Variants in LRRC4C observed in about 807,000 individuals in gnomAD.
The protein encoded by LRRC4C is leucine-rich repeat-containing protein 4C.
Under a neutral mutation model 33.6 loss-of-function variants are expected in LRRC4C, and 5 were observed. The ratio of observed to expected loss-of-function variants is 0.15; its 90% CI spans 0.08 to 0.31. The LOEUF is 0.31. Among genes scored for constraint, LRRC4C ranks in the 10% least tolerant of loss-of-function variants. LRRC4C has a pLI of 1.00. For synonymous variants in LRRC4C, 329 were observed against 302.0 expected (o/e 1.09, Z -0.93); for missense variants, 560 against 796.7 (o/e 0.70, Z 3.58).
intron 1 of LRRC4C, among the ~76,000 whole-genome samples, chr11:41,202,687 T>A (rs1350463790): frequency 1.3e-5 from 2 of 152,108 alleles, no homozygotes; most frequent in Non-Finnish European, 2.9e-5. Flanking sequence ...TCTTCAAATA[T>A]TAAGGATTTT....
At chr11:40,394,038 A>G (rs7951893) in intron 3 of LRRC4C, among the ~76,000 whole-genome samples, 57,184 of 151,820 alleles carry the variant, frequency 0.38, 11,129 homozygotes, top group South Asian at 0.47. Flanking sequence ...GGGGATAAAA[A>G]TAGGCCAAAA....
At chr11:41,146,053 A>G (rs997997509) in intron 1 of LRRC4C, among the ~76,000 whole-genome samples, 1 of 152,212 alleles carries the variant, frequency 6.6e-6, no homozygotes, top group Non-Finnish European at 1.5e-5. Flanking sequence ...TTATAACTTT[A>G]TACTACAATT....
intron 1 of LRRC4C, among the ~76,000 whole-genome samples, chr11:40,991,424 C>A (rs1392953877): frequency 6.6e-6 from 1 of 152,092 alleles, no homozygotes; most frequent in African/African-American, 2.4e-5. Context: ...TGCTCCCCAC[C>A]CTTTGTGGCA....
intron 3 of LRRC4C, among the ~76,000 whole-genome samples, chr11:40,540,671 A>G (rs753761991): frequency 3.3e-5 from 5 of 152,162 alleles, no homozygotes; most frequent in Non-Finnish European, 7.3e-5. Context: ...AATATCAAGT[A>G]TATGTAGAAT....
chr11:41,199,815 G>T, intron 1 of LRRC4C, among the ~76,000 whole-genome samples: 1 of 152,022 alleles, frequency 6.6e-6, no homozygotes, highest in East Asian at 1.9e-4. Flanking sequence ...CATAGATATT[G>T]TGGCTGACTC....
At chr11:40,481,903 C>T (rs1005933678) in intron 3 of LRRC4C, among the ~76,000 whole-genome samples, 5 of 152,040 alleles carry the variant, frequency 3.3e-5, no homozygotes, top group African/African-American at 9.7e-5. Context: ...TGGTGTACCT[C>T]GGCAAACATC....
At chr11:40,880,985 A>C (rs557800276) in intron 2 of LRRC4C, among the ~76,000 whole-genome samples, 1 of 151,922 alleles carries the variant, frequency 6.6e-6, no homozygotes, top group African/African-American at 2.4e-5. Flanking sequence ...TCCTTGCCCA[A>C]GGGCCAGAGA....
intron 5 of LRRC4C, among the ~76,000 whole-genome samples, chr11:40,189,083 T>C (rs185442416): frequency 2.7e-4 from 41 of 152,314 alleles, no homozygotes; most frequent in Admixed American, 1.0e-3. Context: ...CCTTTATTCA[T>C]ACGCTTGGGC....
intron 4 of LRRC4C, among the ~76,000 whole-genome samples, chr11:40,307,104 T>C (rs1466935484): frequency 6.6e-6 from 1 of 151,918 alleles, no homozygotes; most frequent in Non-Finnish European, 1.5e-5. Context: ...TTTAGCAGCA[T>C]TCCTAGCTGG....
chr11:40,124,435 A>T (rs914597748), intron 6 of LRRC4C, among the ~76,000 whole-genome samples: 1 of 152,240 alleles, frequency 6.6e-6, no homozygotes, highest in African/African-American at 2.4e-5. Flanking sequence ...ATGAATTTTT[A>T]AAATGTGGTA....
At chr11:41,278,478 C>T (rs1949552164) in intron 1 of LRRC4C, among the ~76,000 whole-genome samples, 1 of 152,156 alleles carries the variant, frequency 6.6e-6, no homozygotes. Context: ...TTATGTTGTA[C>T]ACAATAAATA....
intron 2 of LRRC4C, among the ~76,000 whole-genome samples, chr11:40,911,772 C>A (rs1956707189): frequency 6.6e-6 from 1 of 152,090 alleles, no homozygotes; most frequent in Admixed American, 6.6e-5. Flanking sequence ...AGTTCGAACC[C>A]ATGGCAAAGA....
At chr11:40,242,252 A>C (rs774769009) in intron 4 of LRRC4C, among the ~76,000 whole-genome samples, 27 of 152,208 alleles carry the variant, frequency 1.8e-4, no homozygotes, top group Non-Finnish European at 4.0e-4. Flanking sequence ...TAATTTTAAA[A>C]GGCAAATTCA....
intron 1 of LRRC4C, among the ~76,000 whole-genome samples, chr11:40,962,610 T>A (rs1851053483): frequency 6.6e-6 from 1 of 151,736 alleles, no homozygotes; most frequent in Non-Finnish European, 1.5e-5. Flanking sequence ...GAATCTTTGT[T>A]AAAGCACTTA....
intron 1 of LRRC4C, among the ~76,000 whole-genome samples, chr11:41,392,413 C>T (rs2138013632): frequency 6.6e-6 from 1 of 151,882 alleles, no homozygotes; most frequent in African/African-American, 2.4e-5. Context: ...AATATATTAG[C>T]AGCTTTCCTC....
At chr11:41,381,919 T>C (rs1279230143) in intron 1 of LRRC4C, among the ~76,000 whole-genome samples, 3 of 96,870 alleles carry the variant, frequency 3.1e-5, no homozygotes, top group East Asian at 1.1e-3. Context: ...GATATATGTG[T>C]TTGTATATAT....
chr11:40,164,334 G>A (rs1210872384), intron 5 of LRRC4C, among the ~76,000 whole-genome samples: 7 of 152,062 alleles, frequency 4.6e-5, no homozygotes, highest in Admixed American at 3.9e-4. Context: ...TCCACCTCAC[G>A]GGTTCAAGTG....
intron 4 of LRRC4C, among the ~76,000 whole-genome samples, chr11:40,279,694 C>A (rs1323897549): frequency 6.6e-6 from 1 of 152,092 alleles, no homozygotes; most frequent in Non-Finnish European, 1.5e-5. Context: ...AATAAATTGC[C>A]TGAAACCACA....
intron 1 of LRRC4C, among the ~76,000 whole-genome samples, chr11:40,991,329 A>G (rs1444302460): frequency 6.6e-6 from 1 of 152,092 alleles, no homozygotes; most frequent in Non-Finnish European, 1.5e-5. Context: ...ATATTTTCCA[A>G]ATGACTAATA....
Sources: gnomAD v4.1 joint callset for allele counts (sites outside exome capture counted in the v4.1 genomes callset) on GRCh38, gnomAD v4.1.1 for gene constraint, MANE v1.5 for transcripts, NCBI Gene and HGNC (gene_info 2026-07-23, HGNC 2026-07-21) for gene names.